Variants in EIPR1 observed in about 807,000 individuals in gnomAD.
EIPR1 encodes EARP and GARP complex-interacting protein 1.
A neutral mutation model predicts 48.1 loss-of-function variants in EIPR1; 25 were observed. The observed-to-expected ratio is 0.52, with a 90% CI of 0.38 to 0.73. EIPR1 has a LOEUF of 0.73. EIPR1 is among the 30% of genes least tolerant of loss of function. The pLI, the probability that EIPR1 is intolerant of heterozygous loss-of-function variation, is 0.00. For synonymous variants in EIPR1, 204 were observed against 201.9 expected (o/e 1.01, Z -0.09); for missense variants, 415 against 506.2 (o/e 0.82, Z 1.73).
At chr2:3,252,087 G>A (rs1041627322) in intron 4 of EIPR1, among the ~76,000 whole-genome samples, 3 of 152,230 alleles carry the variant, frequency 2.0e-5, no homozygotes, top group Admixed American at 6.5e-5. Context: ...TTCACAGAAC[G>A]GTTCAATACG....
intron 3 of EIPR1, among the ~76,000 whole-genome samples, chr2:3,290,982 C>T (rs775965809): frequency 3.5e-4 from 54 of 152,188 alleles, no homozygotes; most frequent in Non-Finnish European, 4.1e-4. Context: ...TCACATTCCA[C>T]GGGCCAGCCC....
In EIPR1 at chr2:3,277,210, A is replaced by ACGCGGCCCCG. The variant is rs1558267870; in HGVS notation, c.260-19756_260-19755insCGGGGCCGCG. On this transcript the variant is annotated intron_variant, in intron 3 of 8. Coordinates refer to ENST00000382125, the MANE Select transcript of EIPR1 (RefSeq NM_003310.5). Reference sequence around the variant, plus strand: ...CGCGGCCCCACACCTGTCTCCACCCACACGGCCCCGCACCTGTCTCCACCC... The same window carrying ACGCGGCCCCG: ...CGCGGCCCCACACCTGTCTCCACCCACGCGGCCCCGCACGGCCCCGCACCTGTCTCCACCC... 5.6e-4 allele frequency among the ~76,000 whole-genome samples: 85 copies of ACGCGGCCCCG among 150,790 alleles called. 2 individuals carry two copies. The highest frequency in any genetic ancestry group is 3.4e-3 in the Middle Eastern group (1 of 292).
At chr2:3,235,436 A>ACG (rs1558241253) in intron 4 of EIPR1, among the ~76,000 whole-genome samples, 236 of 78,582 alleles carry the variant, frequency 3.0e-3, no homozygotes, top group Admixed American at 0.01. Context: ...ACACACACAC[A>ACG]CACGCGTGCG....
At chr2:3,236,734 C>T (rs1666416528) in intron 4 of EIPR1, among the ~76,000 whole-genome samples, 1 of 152,194 alleles carries the variant, frequency 6.6e-6, no homozygotes, top group Non-Finnish European at 1.5e-5. Flanking sequence ...GACTCCTACG[C>T]TCTTCCTTAT....
At chr2:3,200,644 G>A (rs1470933106) in intron 5 of EIPR1, among the ~76,000 whole-genome samples, 1 of 150,332 alleles carries the variant, frequency 6.7e-6, no homozygotes, top group African/African-American at 2.4e-5. Flanking sequence ...CTGAAAGGTG[G>A]ACACAGGGGC....
rs555941911 is a variant in EIPR1 at position 3,334,774 on chromosome 2, T to A, written c.259+3243A>T. ...AATTCTTGGAACTTAGACATGAATG[T>A]TGTGGAACAATTTCGTCTTTCTTCC... On this transcript the variant is annotated intron_variant, in intron 3 of 8. Coordinates refer to ENST00000382125, the MANE Select transcript of EIPR1 (RefSeq NM_003310.5). Among the ~76,000 whole-genome samples the A allele has an allele frequency of 2.1e-4, 32 of 152,368 alleles. 1 individual carries two copies. In the South Asian group the frequency reaches 5.4e-3, roughly 26 times the overall value.
intron 3 of EIPR1, among the ~76,000 whole-genome samples, chr2:3,299,658 A>T (rs866618276): frequency 6.7e-6 from 1 of 150,264 alleles, no homozygotes; most frequent in Non-Finnish European, 1.5e-5. Context: ...ACACACACAC[A>T]CTTTGAGTTA....
intron 3 of EIPR1, among the ~76,000 whole-genome samples, chr2:3,276,458 C>T (rs72765316): frequency 6.3e-4 from 96 of 152,326 alleles, no homozygotes; most frequent in Non-Finnish European, 1.1e-3. Flanking sequence ...TAGCTGCAGT[C>T]TTTCTGCAAG....
At chr2:3,257,134 G>C (rs1053811125) in intron 4 of EIPR1, among the ~76,000 whole-genome samples, 165 bp downstream of exon 4, 4 of 152,152 alleles carry the variant, frequency 2.6e-5, no homozygotes, top group African/African-American at 9.7e-5. Flanking sequence ...GGCTAATCTA[G>C]AAAACACAGG....
At chr2:3,280,008 C>T (rs1163633967) in intron 3 of EIPR1, among the ~76,000 whole-genome samples, 2 of 152,160 alleles carry the variant, frequency 1.3e-5, no homozygotes, top group Non-Finnish European at 2.9e-5. Context: ...ATAAATGTTA[C>T]TATTTATCTT....
At chr2:3,198,692 G>A (rs1664895220) in intron 5 of EIPR1, among the ~76,000 whole-genome samples, 1 of 152,144 alleles carries the variant, frequency 6.6e-6, no homozygotes, top group Non-Finnish European at 1.5e-5. Flanking sequence ...GATGCCCCGT[G>A]AGCCGTAAAA....
intron 1 of EIPR1, among the ~76,000 whole-genome samples, chr2:3,359,319 T>C (rs1670801457): frequency 6.6e-6 from 1 of 152,238 alleles, no homozygotes; most frequent in Non-Finnish European, 1.5e-5. Flanking sequence ...CAGAAGCTGC[T>C]TGAGTGACAA....
chr2:3,304,951 A>T (rs113186152), intron 3 of EIPR1, among the ~76,000 whole-genome samples: 13 of 50,460 alleles, frequency 2.6e-4, no homozygotes, highest in Admixed American at 6.7e-4. Flanking sequence ...CAGCCCTCCA[A>T]TCCCGTCCAG....
intron 8 of EIPR1, among the ~76,000 whole-genome samples, chr2:3,191,654 G>C (rs1664609865): frequency 6.6e-6 from 1 of 152,194 alleles, no homozygotes; most frequent in Non-Finnish European, 1.5e-5. Flanking sequence ...CTCTGCGGTT[G>C]CAACTGAATT....
chr2:3,259,866 T>C lies in EIPR1; in HGVS notation c.260-2411A>G, dbSNP rs1667272560. On this transcript the variant is annotated intron_variant, in intron 3 of 8. Coordinates refer to ENST00000382125, the MANE Select transcript of EIPR1 (RefSeq NM_003310.5). ...AATAAATGATGCTGGATCAATTGTA[T>C]ATCCATATGAAAGAAAATAAACTTG... 1.3e-5 allele frequency among the ~76,000 whole-genome samples: 2 copies of C among 152,234 alleles called. 1 individual carries two copies. Among genetic ancestry groups the C allele is most frequent in the African/African-American group, 4.8e-5 (2 of 41,460 alleles).
In EIPR1 at chr2:3,189,502, C is replaced by G. The variant is rs150232538; in HGVS notation, c.996G>C (p.Lys332Asn). The change falls in exon 9 of 9, where the codon AAG becomes AAC. Residue 332 changes from lysine (K) to asparagine (N), a missense_variant. Lys to Asn is a moderately conservative substitution (Grantham distance 94). Transcript: ENST00000382125. This position sits in a 1 kb window ranked among gnomAD's most constrained non-coding sequence, Gnocchi z 4.6. The stretch of plus-strand genomic sequence containing the variant: ...CGATCACGTTGTCCTGCAGGGGCTC[C>G]TTGCTCCTGCAATGCAACAGAGGCA... ...QEDHRSEEKSKEPLQDNVIAT... is the reference protein window; with the variant it reads ...QEDHRSEEKSNEPLQDNVIAT... 4 of 1,552,532 alleles carry G rather than the reference C, an allele frequency of 2.6e-6. No individual in the cohort carries two copies. In the African/African-American group the frequency reaches 5.4e-5, roughly 21 times the overall value.
intron 3 of EIPR1, among the ~76,000 whole-genome samples, chr2:3,293,753 G>A (rs1022851222): frequency 6.6e-5 from 10 of 152,178 alleles, no homozygotes; most frequent in Admixed American, 2.6e-4. Context: ...ACCCCAGGAC[G>A]CAGAGGCAGC....
At chr2:3,272,350 G>A (rs1322777211) in intron 3 of EIPR1, among the ~76,000 whole-genome samples, 1 of 152,196 alleles carries the variant, frequency 6.6e-6, no homozygotes, top group Non-Finnish European at 1.5e-5. Flanking sequence ...GGTGTGCAAG[G>A]CCCGGCTCTT....
At chr2:3,373,592 A>T (rs1659767958) in intron 1 of EIPR1, among the ~76,000 whole-genome samples, 1 of 152,142 alleles carries the variant, frequency 6.6e-6, no homozygotes, top group Admixed American at 6.5e-5. Context: ...TAACAGACAA[A>T]CAGAGAGCCA....
Sources: allele counts gnomAD v4.1 joint callset (sites outside exome capture counted in the v4.1 genomes callset), GRCh38; gene constraint gnomAD v4.1.1; non-coding constraint Gnocchi (gnomAD v3.1); transcripts MANE v1.5; gene names NCBI Gene and HGNC (gene_info 2026-07-23, HGNC 2026-07-21).